Variants in FAN1 observed in about 807,000 individuals in gnomAD.
The protein encoded by FAN1 is fanconi-associated nuclease 1.
FAN1 carries 91 observed loss-of-function variants against 104.9 expected under a neutral mutation model. That is an observed-to-expected ratio of 0.87 (90% CI 0.73 to 1.03). The LOEUF (loss-of-function observed/expected upper bound fraction) is 1.03. Among genes scored for constraint, FAN1 ranks in the 50% least tolerant of loss-of-function variants. FAN1 has a pLI of 0.00. For synonymous variants in FAN1, 478 were observed against 457.6 expected, an observed-to-expected ratio of 1.04 and a Z score of -0.57; for missense variants, 1,263 against 1,239.9, an observed-to-expected ratio of 1.02 and a Z score of -0.28.
At chr15:30,920,417 C>CA in intron 6 of FAN1, 128 bp from the exon 7 acceptor site, 1 of 657,274 alleles carries the variant, frequency 1.5e-6, no homozygotes, top group East Asian at 2.9e-5. Flanking sequence ...GAAAATTGTA[C>CA]ACAACTGAAA....
At chr15:30,913,244 G>C (rs1466730037) in intron 4 of FAN1, among the ~76,000 whole-genome samples, 1 of 151,778 alleles carries the variant, frequency 6.6e-6, no homozygotes, top group Non-Finnish European at 1.5e-5. Context: ...TCTAGGTTGC[G>C]TATTCCTTAT....
intron 5 of FAN1, among the ~76,000 whole-genome samples, chr15:30,914,977 T>C (rs1428791159): frequency 1.3e-5 from 2 of 152,142 alleles, no homozygotes; most frequent in African/African-American, 4.8e-5. Context: ...GGAAAAGAAA[T>C]AGGTATATTG....
rs536472982 is a variant in FAN1, at chr15:30,922,774, C to T, written c.2172+420C>T. Among the ~76,000 whole-genome samples the T allele has an allele frequency of 2.6e-5, 4 of 152,380 alleles. No individual in the cohort carries two copies. The East Asian group carries it at 5.8e-4, about 22-fold the overall frequency. ...TAGAAAGATTGGCGAGAAAGCGTTC[C>T]TTTCCCTATCTTATTGCAGGTCCTT... is the stretch of plus-strand genomic sequence containing the variant. On this transcript the variant is annotated intron_variant, in intron 8 of 14. Transcript: ENST00000362065.
At chr15:30,909,864 A>ACAGC (rs2062060227) in intron 3 of FAN1, among the ~76,000 whole-genome samples, 1 of 152,190 alleles carries the variant, frequency 6.6e-6, no homozygotes, top group Non-Finnish European at 1.5e-5. Flanking sequence ...TGTGTGAAAT[A>ACAGC]CAGCCAGCCT....
intron 10 of FAN1, 75 bp from the exon 11 acceptor site, chr15:30,928,478 G>A: frequency 6.3e-7 from 1 of 1,578,134 alleles, no homozygotes; most frequent in Non-Finnish European, 8.6e-7. Context: ...TTATGGTGGT[G>A]TTTTGGAAGA....
rs1309672288 is a variant in FAN1, at chr15:30,941,560, GCA to G, written c.*4-3_*4-2del. 3.7e-6 allele frequency: 6 copies of G among 1,602,526 alleles called. No individual in the cohort carries two copies. Among genetic ancestry groups the G allele is most frequent in the South Asian group, 1.1e-5 (1 of 89,440 alleles). On this transcript the variant is annotated splice_polypyrimidine_tract_variant and splice_region_variant and intron_variant, in intron 14 of 14. Transcript: ENST00000362065. ...ATGGTGTTCCTAAAATGCTTCGTCT[GCA>G]CAGATTCCCTACAGGAGAAAATGGA...
In FAN1 at chr15:30,925,217, G is replaced by A. The variant is rs1555401930; in HGVS notation, c.2263G>A (p.Glu755Lys). The A allele has an allele frequency of 6.2e-7, 1 of 1,614,110 alleles. No homozygotes were observed. Among genetic ancestry groups the A allele is most frequent in the South Asian group, 1.1e-5 (1 of 91,076 alleles). The change falls in exon 9 of 15, where the codon GAG (glutamate) becomes AAG (lysine). Residue 755 changes from glutamate to lysine, a missense_variant. Transcript: ENST00000362065. ...SLYQRAVRLR[E>K]SPSCKKFKHL... Reference sequence around the variant, plus strand: ...GTATCAGCGAGCCGTGCGCCTGCGAGAGTCTCCGAGCTGTAAAAAGTTCAA... The same window carrying A: ...GTATCAGCGAGCCGTGCGCCTGCGAAAGTCTCCGAGCTGTAAAAAGTTCAA...
intron 14 of FAN1, chr15:30,940,855 T>C (rs571620335): frequency 4.9e-4 from 490 of 990,150 alleles, no homozygotes; most frequent in Non-Finnish European, 5.7e-4. Flanking sequence ...AGCAAATGCT[T>C]TAAAATTAAC....
intron 2 of FAN1, 97 bp from the exon 3 acceptor site, chr15:30,908,021 A>G: frequency 1.0e-6 from 1 of 976,532 alleles, no homozygotes; most frequent in Non-Finnish European, 1.5e-6. Flanking sequence ...TTATACATAC[A>G]GTAAGCATAT....
intron 5 of FAN1, among the ~76,000 whole-genome samples, chr15:30,917,688 C>A (rs1407370306): frequency 1.3e-5 from 2 of 152,214 alleles, no homozygotes; most frequent in Non-Finnish European, 2.9e-5. Flanking sequence ...GTTGCCATCT[C>A]CCAAAGAGCA....
intron 14 of FAN1, 105 bp downstream of exon 14, chr15:30,937,364 G>C (rs1380718479): frequency 9.1e-7 from 1 of 1,093,232 alleles, no homozygotes; most frequent in Non-Finnish European, 1.3e-6. Context: ...CTGATAGTTT[G>C]ACTTGTCATT....
At chr15:30,940,782 T>TA in intron 14 of FAN1, 1 of 986,922 alleles carries the variant, frequency 1.0e-6, no homozygotes, top group Non-Finnish European at 1.2e-6. Context: ...AAAGTGAAAT[T>TA]ATATTTTCTT....
Position 30,904,804 on chromosome 15 carries a change from C to T in FAN1, c.141C>T (p.Cys47=), listed in dbSNP as rs144469584. 11 of 1,613,492 alleles carry T rather than the reference C, an allele frequency of 6.8e-6. No individual in the cohort carries two copies. Among genetic ancestry groups the T allele is most frequent in the Non-Finnish European group, 7.6e-6 (9 of 1,179,580 alleles). The part of the protein sequence containing the change: ...APPAKLACPV[C]SKMVPRYDLN... ...CTGCTAAACTTGCCTGCCCCGTTTG[C>T]AGTAAAATGGTGCCTAGATATGACT... The change falls in exon 2 of 15, where the codon TGC becomes TGT. Residue 47 remains cysteine, a synonymous_variant. Coordinates refer to ENST00000362065, the MANE Select transcript of FAN1 (RefSeq NM_014967.5).
At position 30,903,966 on chromosome 15, in the gene FAN1, C is replaced by T. The variant is rs1404365996; in HGVS notation, c.-198C>T. 4 of 152,552 alleles carry T rather than the reference C, an allele frequency of 2.6e-5. No individual in the cohort carries two copies. The highest frequency in any genetic ancestry group is 5.8e-5 in the Non-Finnish European group (4 of 68,406). The allele number at this position is 152,552 out of a possible 1,614,324, so 9.4% of individuals were successfully genotyped here. On this transcript the variant is annotated 5_prime_UTR_variant, in exon 1 of 15. Transcript: ENST00000362065. ...AAGGAGGACGCGAGGGCAGCCAGGC[C>T]CTAGGGAGCAGGGAGAGTGGCTCGG...
chr15:30,916,126 A>G, intron 5 of FAN1, among the ~76,000 whole-genome samples: 1 of 152,214 alleles, frequency 6.6e-6, no homozygotes. Context: ...TAAAATCTCT[A>G]ATAAGACTGT....
intron 7 of FAN1, among the ~76,000 whole-genome samples, 168 bp downstream of exon 7, chr15:30,920,821 A>G (rs1336309259): frequency 6.6e-6 from 1 of 152,190 alleles, no homozygotes; most frequent in East Asian, 1.9e-4. Flanking sequence ...GTCTCACTCC[A>G]TCACCTAGGC....
chr15:30,929,565 CTTTA>C (rs1466902430), intron 12 of FAN1, among the ~76,000 whole-genome samples, 168 bp downstream of exon 12: 3 of 115,214 alleles, frequency 2.6e-5, no homozygotes, highest in Admixed American at 1.9e-4. Context: ...TATATTATAT[CTTTA>C]TTATATTTAT....
chr15:30,924,026 G>A (rs1424598024), intron 8 of FAN1, among the ~76,000 whole-genome samples: 1 of 152,106 alleles, frequency 6.6e-6, no homozygotes, highest in African/African-American at 2.4e-5. Flanking sequence ...TGGCGACGAC[G>A]TCTCATCTAC....
chr15:30,942,206 C>T lies in FAN1; in HGVS notation c.*644C>T, dbSNP rs997889619. On this transcript the variant is annotated 3_prime_UTR_variant, in exon 15 of 15. Coordinates refer to ENST00000362065, the MANE Select transcript of FAN1 (RefSeq NM_014967.5). Reference sequence around the variant, plus strand: ...CCTCAAAGAACATTTTCCTCCCTTCCTTTGTGTCCTTATTCTAATCCTCCT... The same window carrying T: ...CCTCAAAGAACATTTTCCTCCCTTCTTTTGTGTCCTTATTCTAATCCTCCT... 1.8e-6 allele frequency: 2 copies of T among 1,086,836 alleles called. No homozygotes were observed. The highest frequency in any genetic ancestry group is 3.2e-5 in the African/African-American group (2 of 63,368). 67.3% of individuals were successfully genotyped at this position (1,086,836 alleles called of 1,614,324 possible).
Sources: gnomAD v4.1 joint callset for allele counts (sites outside exome capture counted in the v4.1 genomes callset) on GRCh38, gnomAD v4.1.1 for gene constraint, MANE v1.5 for transcripts, NCBI Gene and HGNC (gene_info 2026-07-23, HGNC 2026-07-21) for gene names.